Variants in MLLT10 observed in about 807,000 individuals in gnomAD.
MLLT10 encodes the protein MLLT10 histone lysine methyltransferase DOT1L cofactor, also known as protein AF-10.
MLLT10 carries 30 observed loss-of-function variants against 129.1 expected under a neutral mutation model. The ratio of observed to expected loss-of-function variants is 0.23; its 90% CI spans 0.17 to 0.32. The LOEUF (loss-of-function observed/expected upper bound fraction) is 0.32. Ranked by LOEUF, MLLT10 falls within the 10% of genes least tolerant of loss-of-function variation. The pLI is 1.00. For synonymous variants in MLLT10, 490 were observed against 446.4 expected (o/e 1.10, Z -1.23); for missense variants, 1,119 against 1,268.3 (o/e 0.88, Z 1.79).
At chr10:21,551,462 A>G (rs1330027865) in intron 3 of MLLT10, among the ~76,000 whole-genome samples, 1 of 151,736 alleles carries the variant, frequency 6.6e-6, no homozygotes, top group Non-Finnish European at 1.5e-5. Context: ...ATTCAGCATA[A>G]TATCGTAAGT....
At chr10:21,560,232 C>T (rs2038631319) in intron 3 of MLLT10, among the ~76,000 whole-genome samples, 1 of 152,120 alleles carries the variant, frequency 6.6e-6, no homozygotes, top group Non-Finnish European at 1.5e-5. Context: ...CTCGAACTCT[C>T]TACCTCAGGT....
At chr10:21,536,692 C>T (rs1313486783) in intron 2 of MLLT10, among the ~76,000 whole-genome samples, 1 of 152,156 alleles carries the variant, frequency 6.6e-6, no homozygotes, top group Non-Finnish European at 1.5e-5. Context: ...TTCAGCCTTC[C>T]CAGTAGCTGG....
At chr10:21,609,298 A>G (rs1025797000) in intron 5 of MLLT10, among the ~76,000 whole-genome samples, 3 of 152,144 alleles carry the variant, frequency 2.0e-5, no homozygotes, top group Non-Finnish European at 4.4e-5. Flanking sequence ...GTTATTTTCC[A>G]ATCATTTCTT....
chr10:21,734,140 T>TA lies in MLLT10; in HGVS notation c.2858+13dup. 6.3e-7 allele frequency: 1 copy of TA among 1,580,482 alleles called. No homozygotes were observed. Among genetic ancestry groups the TA allele is most frequent in the Non-Finnish European group, 8.6e-7 (1 of 1,162,352 alleles). On this transcript the variant is annotated intron_variant, in intron 20 of 22. Transcript: ENST00000307729. Reference sequence around the variant, plus strand: ...TACACTGACTAACAGGTAAGAAACTTAAGTATGTTTTGGGTTTTTTAGTAT... The same window carrying TA: ...TACACTGACTAACAGGTAAGAAACTTAAAGTATGTTTTGGGTTTTTTAGTAT...
At chr10:21,602,208 G>A (rs1017251863) in intron 5 of MLLT10, among the ~76,000 whole-genome samples, 1 of 152,182 alleles carries the variant, frequency 6.6e-6, no homozygotes, top group Non-Finnish European at 1.5e-5. Flanking sequence ...AGAAAAGAGA[G>A]ATGGGTTGTC....
intron 5 of MLLT10, among the ~76,000 whole-genome samples, chr10:21,596,568 G>T (rs2043032726): frequency 6.6e-6 from 1 of 151,218 alleles, no homozygotes; most frequent in African/African-American, 2.4e-5. Context: ...ATGTGAGATT[G>T]CTCATAACCC....
In MLLT10 at chr10:21,734,464, T is replaced by C. The variant is rs575856407; in HGVS notation, c.2858+335T>C. ...GTAGTGGAGATAACATGAATATTAGTTTCCTAAAATTTATGTAATATTTTT... is the reference window on the plus strand; with the variant it reads ...GTAGTGGAGATAACATGAATATTAGCTTCCTAAAATTTATGTAATATTTTT... On this transcript the variant is annotated intron_variant, in intron 20 of 22. Coordinates refer to ENST00000307729, the MANE Select transcript of MLLT10 (RefSeq NM_001195626.3). 7.3e-4 allele frequency among the ~76,000 whole-genome samples: 111 copies of C among 152,332 alleles called. 1 individual carries two copies. The highest frequency in any genetic ancestry group is 2.5e-3 in the Admixed American group (38 of 15,306).
chr10:21,624,989 T>A, intron 8 of MLLT10: 2 of 1,141,630 alleles, frequency 1.8e-6, no homozygotes, highest in Non-Finnish European at 2.5e-6. Context: ...TTCCTCCTCT[T>A]CCTCTTACTG....
chr10:21,705,676 C>T (rs772177002), intron 13 of MLLT10, among the ~76,000 whole-genome samples: 8 of 152,314 alleles, frequency 5.3e-5, no homozygotes, highest in Admixed American at 1.3e-4. Context: ...TCATTCACGC[C>T]TCCACCCTGG....
At chr10:21,664,976 C>T (rs1208327620) in intron 9 of MLLT10, among the ~76,000 whole-genome samples, 11 of 132,238 alleles carry the variant, frequency 8.3e-5, no homozygotes, top group African/African-American at 1.4e-4. Context: ...GATAGAGTCT[C>T]GCTCTGTCAC....
intron 11 of MLLT10, among the ~76,000 whole-genome samples, chr10:21,679,215 A>G (rs190657645): frequency 1.1e-3 from 166 of 152,284 alleles, no homozygotes; most frequent in African/African-American, 3.6e-3. Context: ...AGTGATTTCT[A>G]AGAGTTTTAA....
chr10:21,565,528 C>T (rs538478707), intron 3 of MLLT10, among the ~76,000 whole-genome samples: 50 of 151,124 alleles, frequency 3.3e-4, no homozygotes, highest in Non-Finnish European at 5.7e-4. Flanking sequence ...AAGCTGGTCT[C>T]GAGCTGTTGA....
chr10:21,713,775 T>C lies in MLLT10; in HGVS notation c.1703T>C (p.Ile568Thr). The change falls in exon 14 of 23, where the codon ATT (isoleucine) becomes ACT (threonine). Residue 568 changes from isoleucine to threonine, a missense_variant. Around this residue, in one of 5 missense-constraint regions of MLLT10, gnomAD observed 1,004 missense variants for 1,008.7 expected, o/e 1.00. Coordinates refer to ENST00000307729, the MANE Select transcript of MLLT10 (RefSeq NM_001195626.3). ...SELLNAIHNG[I>T]YNSNDVAVSF... ...AATAACATTTGTTTTTTTGCAGGTA[T>C]TTATAACAGCAATGATGTAGCAGTA... 6.2e-7 allele frequency: 1 copy of C among 1,607,752 alleles called. No individual in the cohort carries two copies.
chr10:21,632,880 A>G (rs1221205456), intron 8 of MLLT10, among the ~76,000 whole-genome samples: 1 of 152,226 alleles, frequency 6.6e-6, no homozygotes, highest in African/African-American at 2.4e-5. Context: ...AATCATGCCA[A>G]GTAAACTATG....
At chr10:21,618,237 G>T (rs888173393) in intron 8 of MLLT10, among the ~76,000 whole-genome samples, 2 of 152,092 alleles carry the variant, frequency 1.3e-5, no homozygotes, top group Admixed American at 1.3e-4. Context: ...GGCTGGGCGT[G>T]GTGGCTCAAG....
chr10:21,545,609 T>C lies in MLLT10; in HGVS notation c.240+6697T>C, dbSNP rs960746370. ...TTCTTTGTAGATAGACATTGATTGT[T>C]TAGAAAAAGCACCGTGTCTCCCAAA... On this transcript the variant is annotated intron_variant, in intron 3 of 22. Transcript: ENST00000307729. Among the ~76,000 whole-genome samples, 14 of 152,318 alleles carry C rather than the reference T, an allele frequency of 9.2e-5. 1 individual carries two copies. In the South Asian group the frequency reaches 1.0e-3, roughly 11 times the overall value.
chr10:21,664,092 A>C (rs1169246760), intron 9 of MLLT10, among the ~76,000 whole-genome samples: 1 of 152,144 alleles, frequency 6.6e-6, no homozygotes, highest in Non-Finnish European at 1.5e-5. Context: ...ATTTAGTTAA[A>C]AAATGCTTTG....
intron 5 of MLLT10, among the ~76,000 whole-genome samples, chr10:21,602,567 T>C (rs978334815): frequency 4.6e-5 from 7 of 152,218 alleles, no homozygotes; most frequent in Non-Finnish European, 1.0e-4. Flanking sequence ...ACTTATCTTA[T>C]GTGACACTAG....
At chr10:21,609,863 A>G (rs1243543511) in intron 5 of MLLT10, among the ~76,000 whole-genome samples, 1 of 152,006 alleles carries the variant, frequency 6.6e-6, no homozygotes, top group East Asian at 1.9e-4. Context: ...TGCAGAGTAC[A>G]GTGTGATGTT....
Sources: allele counts gnomAD v4.1 joint callset (sites outside exome capture counted in the v4.1 genomes callset), GRCh38; gene constraint gnomAD v4.1.1; regional missense constraint gnomAD v4.1.1; transcripts MANE v1.5; gene names NCBI Gene and HGNC (gene_info 2026-07-23, HGNC 2026-07-21).